The following PTPRJ variants were observed in gnomAD, a reference collection of about 807,000 sequenced individuals.
PTPRJ encodes protein tyrosine phosphatase receptor type J.
PTPRJ carries 129 observed loss-of-function variants against 141.3 expected under a neutral mutation model. The observed-to-expected ratio is 0.91, with a 90% confidence interval of 0.79 to 1.06. PTPRJ has a LOEUF of 1.06. PTPRJ is among the 50% of genes least tolerant of loss of function. The pLI is 0.00. For missense variants in PTPRJ, 1,601 were observed against 1,679.7 expected, an observed-to-expected ratio of 0.95 and a Z score of 0.82; for synonymous variants, 610 against 640.5, an observed-to-expected ratio of 0.95 and a Z score of 0.72.
chr11:48,012,330 C>G (rs1176441345), intron 1 of PTPRJ, among the ~76,000 whole-genome samples: 1 of 152,088 alleles, frequency 6.6e-6, no homozygotes, highest in Non-Finnish European at 1.5e-5. Context: ...TTTGGGAGGC[C>G]TTGTCAGAAG....
At chr11:48,131,053 T>C (rs7123492) in intron 8 of PTPRJ, among the ~76,000 whole-genome samples, 18,940 of 74,790 alleles carry the variant, frequency 0.25, 2,832 homozygotes, top group South Asian at 0.37. Context: ...CACACACACA[T>C]ATATATATAT....
chr11:48,049,394 T>C (rs1258277626), intron 1 of PTPRJ, among the ~76,000 whole-genome samples: 1 of 151,822 alleles, frequency 6.6e-6, no homozygotes, highest in Non-Finnish European at 1.5e-5. Flanking sequence ...ATTGGTACTG[T>C]TGGCTGGGCA....
At chr11:48,134,261 T>C (rs1001001493) in intron 8 of PTPRJ, among the ~76,000 whole-genome samples, 1 of 152,250 alleles carries the variant, frequency 6.6e-6, no homozygotes, top group Non-Finnish European at 1.5e-5. Context: ...TTTGAATTTC[T>C]TTTTACTCAG....
intron 1 of PTPRJ, among the ~76,000 whole-genome samples, chr11:48,073,154 A>C (rs117021431): frequency 1.3e-5 from 2 of 152,350 alleles, no homozygotes; most frequent in East Asian, 3.9e-4. Context: ...GCTCACACAC[A>C]GGGAGCTACG....
At chr11:48,151,278 G>A (rs918742123) in intron 18 of PTPRJ, among the ~76,000 whole-genome samples, 8 of 151,988 alleles carry the variant, frequency 5.3e-5, no homozygotes, top group South Asian at 2.1e-4. Context: ...AGCCCCAGGC[G>A]TCCCTTGGTT....
At chr11:48,047,917 TGTG>T (rs1260683293) in intron 1 of PTPRJ, among the ~76,000 whole-genome samples, 2 of 152,020 alleles carry the variant, frequency 1.3e-5, no homozygotes, top group Non-Finnish European at 2.9e-5. Flanking sequence ...CTTCACGTCT[TGTG>T]GGGGCTTTTG....
chr11:48,130,987 G>T (rs1030535802), intron 8 of PTPRJ, among the ~76,000 whole-genome samples: 1 of 140,010 alleles, frequency 7.1e-6, no homozygotes, highest in Non-Finnish European at 1.5e-5. Context: ...ACAAATATAT[G>T]TGTGAGTATA....
At chr11:47,988,879 GTTTTTT>G (rs869194701) in intron 1 of PTPRJ, among the ~76,000 whole-genome samples, 5 of 76,340 alleles carry the variant, frequency 6.5e-5, no homozygotes, top group African/African-American at 3.4e-4. Context: ...ATTGTATCTT[GTTTTTT>G]TTTTTTTTTT....
chr11:48,145,562 T>TTG (rs1286283904), intron 14 of PTPRJ, among the ~76,000 whole-genome samples: 3 of 145,800 alleles, frequency 2.1e-5, no homozygotes, highest in African/African-American at 5.1e-5. Context: ...TTTTATGTTT[T>TTG]TTTTTTTTTT....
intron 1 of PTPRJ, among the ~76,000 whole-genome samples, chr11:48,092,294 CAAAAAAA>C (rs3971621): frequency 8.5e-5 from 4 of 46,956 alleles, no homozygotes; most frequent in Non-Finnish European, 1.6e-4. Flanking sequence ...GATTTCATCT[CAAAAAAA>C]AAAAAAAAAA....
intron 1 of PTPRJ, among the ~76,000 whole-genome samples, chr11:48,102,871 G>A (rs1856183375): frequency 6.6e-6 from 1 of 152,142 alleles, no homozygotes; most frequent in Admixed American, 6.5e-5. Flanking sequence ...GGGACTTGGG[G>A]ATTGCCAACT....
Position 48,139,750 on chromosome 11 carries a change from G to T in PTPRJ, c.2417G>T (p.Arg806Leu). Residue 806 changes from arginine (R) to leucine (L), a missense_variant, in exon 11 of 25, where the codon CGG (arginine) becomes CTG (leucine). Physicochemically the swap from Arg to Leu is moderately radical, Grantham distance 102. Coordinates refer to ENST00000418331, the MANE Select transcript of PTPRJ (RefSeq NM_002843.4). Reference sequence around the variant, plus strand: ...TGTGGAAAGATGGCAGCCCCCACCCGGAACACCTGCACTACTGGCATCACA... The same window carrying T: ...TGTGGAAAGATGGCAGCCCCCACCCTGAACACCTGCACTACTGGCATCACA... ...VSCGKMAAPTRNTCTTGITDP... is the reference protein window; with the variant it reads ...VSCGKMAAPTLNTCTTGITDP... 1 of 1,614,040 alleles carries T rather than the reference G, an allele frequency of 6.2e-7. No homozygotes were observed. Among genetic ancestry groups the T allele is most frequent in the South Asian group, 1.1e-5 (1 of 91,070 alleles).
chr11:48,165,863 CTCT>C (rs1315186527), intron 24 of PTPRJ, among the ~76,000 whole-genome samples: 4 of 118,870 alleles, frequency 3.4e-5, no homozygotes, highest in African/African-American at 1.0e-4. Context: ...TTTTTCTCTC[CTCT>C]TTTTTTTTTT....
At chr11:48,154,792 G>A (rs1857562248) in intron 19 of PTPRJ, among the ~76,000 whole-genome samples, 1 of 152,178 alleles carries the variant, frequency 6.6e-6, no homozygotes, top group Non-Finnish European at 1.5e-5. Flanking sequence ...TGAGGGAAAT[G>A]CTTTTAAAAC....
intron 1 of PTPRJ, among the ~76,000 whole-genome samples, chr11:48,092,405 T>G (rs1855895125): frequency 6.6e-6 from 1 of 151,828 alleles, no homozygotes; most frequent in Non-Finnish European, 1.5e-5. Context: ...GGGTAGCATC[T>G]TACTTACTGC....
intron 8 of PTPRJ, among the ~76,000 whole-genome samples, chr11:48,131,246 C>A (rs1856976279): frequency 6.6e-6 from 1 of 151,576 alleles, no homozygotes; most frequent in African/African-American, 2.4e-5. Flanking sequence ...CCATGCCTGG[C>A]TAATTTTTAT....
chr11:48,062,907 A>C (rs1485343439), intron 1 of PTPRJ, among the ~76,000 whole-genome samples: 1 of 152,250 alleles, frequency 6.6e-6, no homozygotes, highest in African/African-American at 2.4e-5. Flanking sequence ...GTTGTCATGC[A>C]TTCCAGACTA....
intron 1 of PTPRJ, among the ~76,000 whole-genome samples, chr11:48,095,199 G>C (rs1000495281): frequency 2.0e-5 from 3 of 152,182 alleles, no homozygotes; most frequent in Non-Finnish European, 4.4e-5. Flanking sequence ...TGTTGTCTCA[G>C]CAGCGTGCCC....
intron 1 of PTPRJ, among the ~76,000 whole-genome samples, chr11:48,037,963 T>C (rs1039616069): frequency 2.0e-5 from 3 of 151,920 alleles, no homozygotes; most frequent in Non-Finnish European, 2.9e-5. Flanking sequence ...TGCCTTTCTC[T>C]TTCCTCCACG....
Sources: allele counts gnomAD v4.1 joint callset (sites outside exome capture counted in the v4.1 genomes callset), GRCh38; gene constraint gnomAD v4.1.1; transcripts MANE v1.5; gene names NCBI Gene and HGNC (gene_info 2026-07-23, HGNC 2026-07-21).